ROBO2: variants seen among roughly 807,000 people sequenced by gnomAD.
ROBO2 encodes the protein roundabout guidance receptor 2.
In ROBO2, 53 loss-of-function variants were observed where a neutral mutation model predicts 160.8. That is an observed-to-expected ratio of 0.33 (90% CI 0.26 to 0.41). The LOEUF (loss-of-function observed/expected upper bound fraction) is 0.41. ROBO2 is among the 10% of genes least tolerant of loss of function. The probability of loss-of-function intolerance (pLI) is 1.00; values close to 1 mark genes in which losing one functional copy is unlikely to be tolerated. For synonymous variants in ROBO2, 664 were observed against 611.7 expected (o/e 1.09, Z -1.26); for missense variants, 1,577 against 1,722.4 (o/e 0.92, Z 1.49).
chr3:76,033,481 C>A (rs1236255591), intron 2 of ROBO2, among the ~76,000 whole-genome samples: 1 of 152,138 alleles, frequency 6.6e-6, no homozygotes, highest in African/African-American at 2.4e-5. Flanking sequence ...ACATGCTGTG[C>A]CATTTTTGTA....
intron 2 of ROBO2, among the ~76,000 whole-genome samples, chr3:77,277,221 TTCTTTCTTG>T (rs2059936811): frequency 8.2e-6 from 1 of 121,366 alleles, no homozygotes; most frequent in Non-Finnish European, 1.9e-5. Flanking sequence ...TCTTCTTTCT[TTCTTTCTTG>T]TCTTTCTTTC....
At chr3:75,978,577 G>A (rs1248539138) in intron 2 of ROBO2, among the ~76,000 whole-genome samples, 3 of 151,390 alleles carry the variant, frequency 2.0e-5, no homozygotes, top group Non-Finnish European at 4.4e-5. Context: ...TAAAATTACT[G>A]TAGTTATGTA....
chr3:76,078,306 A>T (rs2068707908), intron 2 of ROBO2, among the ~76,000 whole-genome samples: 1 of 152,216 alleles, frequency 6.6e-6, no homozygotes, highest in Admixed American at 6.5e-5. Context: ...AATCTGAGTC[A>T]TCTTTTGCAC....
chr3:77,601,299 G>C (rs2094425256), intron 19 of ROBO2, among the ~76,000 whole-genome samples: 1 of 152,102 alleles, frequency 6.6e-6, no homozygotes, highest in Non-Finnish European at 1.5e-5. Flanking sequence ...ATAATAATTA[G>C]ATTCATTTTA....
intron 2 of ROBO2, among the ~76,000 whole-genome samples, chr3:76,039,773 A>T (rs2067225618): frequency 6.6e-6 from 1 of 152,044 alleles, no homozygotes; most frequent in Non-Finnish European, 1.5e-5. Flanking sequence ...ACTGATGAAG[A>T]GAAGAAATAT....
intron 2 of ROBO2, among the ~76,000 whole-genome samples, chr3:76,264,212 T>G (rs1706952105): frequency 6.6e-6 from 1 of 152,126 alleles, no homozygotes; most frequent in South Asian, 2.1e-4. Flanking sequence ...GTTCTGCACT[T>G]GTATCTCAGA....
At chr3:77,451,575 A>G (rs1300237987) in intron 2 of ROBO2, among the ~76,000 whole-genome samples, 1 of 152,054 alleles carries the variant, frequency 6.6e-6, no homozygotes, top group Non-Finnish European at 1.5e-5. Context: ...TTTAATATAT[A>G]TTAAGTGAAT....
At chr3:77,433,242 A>T (rs2078957015) in intron 2 of ROBO2, among the ~76,000 whole-genome samples, 1 of 151,966 alleles carries the variant, frequency 6.6e-6, no homozygotes, top group Non-Finnish European at 1.5e-5. Context: ...AAATAAAGAC[A>T]GTGAGGCAAG....
chr3:77,446,349 T>C (rs755741676), intron 2 of ROBO2, among the ~76,000 whole-genome samples: 4 of 152,076 alleles, frequency 2.6e-5, no homozygotes, highest in Non-Finnish European at 5.9e-5. Flanking sequence ...TTTTGCAATA[T>C]GTATTTCATA....
chr3:76,228,801 A>G, intron 2 of ROBO2, among the ~76,000 whole-genome samples: 1 of 152,178 alleles, frequency 6.6e-6, no homozygotes. Flanking sequence ...GGATAAACAA[A>G]TGTTGATTTC....
chr3:76,413,840 G>A (rs772159445), intron 2 of ROBO2, among the ~76,000 whole-genome samples: 8 of 152,096 alleles, frequency 5.3e-5, no homozygotes, highest in Non-Finnish European at 1.0e-4. Context: ...CACATTTTTG[G>A]GTATCTTTTC....
At chr3:76,484,034 A>ATTTATATCCTTT (rs2079356913) in intron 2 of ROBO2, among the ~76,000 whole-genome samples, 2 of 152,172 alleles carry the variant, frequency 1.3e-5, no homozygotes, top group Non-Finnish European at 2.9e-5. Flanking sequence ...GTACACATGC[A>ATTTATATCCTTT]TGTGTCTTTA....
At position 76,002,209 on chromosome 3, in the gene ROBO2, T is replaced by A. The variant is rs749388566; in HGVS notation, c.109+64607T>A. 1.1e-4 allele frequency among the ~76,000 whole-genome samples: 17 copies of A among 152,126 alleles called. 1 individual carries two copies. The highest frequency in any genetic ancestry group is 2.6e-4 in the Admixed American group (4 of 15,290). ...TGTTAGGATGGGCCCTAATCCAATA[T>A]GACTCTGTCCTTACAAAAAGGAGAA... On this transcript the variant is annotated intron_variant, in intron 2 of 26. Coordinates refer to the ROBO2 transcript ENST00000487694.
intron 2 of ROBO2, among the ~76,000 whole-genome samples, chr3:76,038,996 T>G (rs1301804966): frequency 6.6e-6 from 1 of 151,912 alleles, no homozygotes; most frequent in African/African-American, 2.4e-5. Flanking sequence ...GACTTAGGAT[T>G]GGTAATGTTG....
intron 2 of ROBO2, among the ~76,000 whole-genome samples, chr3:76,067,157 A>C (rs1448883128): frequency 6.6e-6 from 1 of 152,136 alleles, no homozygotes; most frequent in Non-Finnish European, 1.5e-5. Flanking sequence ...CCCAGATTTG[A>C]CACAAATCAG....
At chr3:77,360,252 A>C (rs1290772219) in intron 2 of ROBO2, among the ~76,000 whole-genome samples, 9 of 143,880 alleles carry the variant, frequency 6.3e-5, no homozygotes, top group South Asian at 2.3e-4. Flanking sequence ...ATGTAATGCA[A>C]CCCCCCCCCC....
chr3:76,434,490 C>T lies in ROBO2; in HGVS notation c.109+496888C>T, dbSNP rs572961959. ...ATGAATGATGCTGCCATGTTTTATACAAACCGAGTCCTCAAAGAGTACAAA... is the reference window on the plus strand; with the variant it reads ...ATGAATGATGCTGCCATGTTTTATATAAACCGAGTCCTCAAAGAGTACAAA... On this transcript the variant is annotated intron_variant, in intron 2 of 26. Coordinates refer to the ROBO2 transcript ENST00000487694. 5.1e-6 allele frequency: 8 copies of T among 1,556,668 alleles called. No individual in the cohort carries two copies. The African/African-American group carries it at 5.4e-5, about 11-fold the overall frequency.
chr3:76,406,955 G>A (rs915677372), intron 2 of ROBO2, among the ~76,000 whole-genome samples: 3 of 148,158 alleles, frequency 2.0e-5, no homozygotes, highest in Non-Finnish European at 3.0e-5. Flanking sequence ...TCCTACTCTC[G>A]CCTACAAAAC....
chr3:76,038,371 T>G (rs938988954), intron 2 of ROBO2, among the ~76,000 whole-genome samples: 1 of 151,840 alleles, frequency 6.6e-6, no homozygotes, highest in African/African-American at 2.4e-5. Flanking sequence ...GAAAGTAGGA[T>G]CTGGTAATGA....
Sources: gnomAD v4.1 joint callset for allele counts (sites outside exome capture counted in the v4.1 genomes callset) on GRCh38, gnomAD v4.1.1 for gene constraint, MANE v1.5 for transcripts, NCBI Gene and HGNC (gene_info 2026-07-23, HGNC 2026-07-21) for gene names.